Variants in SLC24A3 observed in about 807,000 individuals in gnomAD.
SLC24A3 encodes solute carrier family 24 member 3.
Under a neutral mutation model 75.8 loss-of-function variants are expected in SLC24A3, and 28 were observed. The ratio of observed to expected loss-of-function variants is 0.37; its 90% confidence interval spans 0.27 to 0.51. SLC24A3 has a LOEUF of 0.51. Ranked by LOEUF, SLC24A3 falls within the 20% of genes least tolerant of loss-of-function variation. The pLI is 0.94. For missense variants in SLC24A3, 663 were observed against 847.8 expected, an observed-to-expected ratio of 0.78 and a Z score of 2.71; for synonymous variants, 372 against 334.1, an observed-to-expected ratio of 1.11 and a Z score of -1.24.
At chr20:19,409,099 GT>G (rs1349943896) in intron 2 of SLC24A3, among the ~76,000 whole-genome samples, 1 of 152,200 alleles carries the variant, frequency 6.6e-6, no homozygotes, top group African/African-American at 2.4e-5. Context: ...ATGTTACTGA[GT>G]TGATTGGTGA....
intron 6 of SLC24A3, among the ~76,000 whole-genome samples, chr20:19,647,615 G>A (rs992544972): frequency 3.9e-5 from 6 of 152,180 alleles, no homozygotes; most frequent in Non-Finnish European, 7.3e-5. Flanking sequence ...ATGTGTGGGG[G>A]AACACTCTGA....
intron 6 of SLC24A3, among the ~76,000 whole-genome samples, chr20:19,651,375 A>G (rs1269588653): frequency 1.3e-5 from 1 of 79,742 alleles, no homozygotes; most frequent in Non-Finnish European, 2.2e-5. Flanking sequence ...TTTTTATTAT[A>G]TATATATATA....
chr20:19,519,362 G>T (rs565813806), intron 3 of SLC24A3, among the ~76,000 whole-genome samples: 175 of 152,288 alleles, frequency 1.1e-3, no homozygotes, highest in Non-Finnish European at 1.1e-3. Flanking sequence ...TTTTGTGTGT[G>T]CTTTGTGTGT....
At chr20:19,272,881 C>T (rs1025624246) in intron 1 of SLC24A3, among the ~76,000 whole-genome samples, 4 of 152,048 alleles carry the variant, frequency 2.6e-5, no homozygotes, top group South Asian at 2.1e-4. Context: ...TTACAACCTG[C>T]GGGTGGGGGT....
intron 3 of SLC24A3, among the ~76,000 whole-genome samples, chr20:19,578,494 C>T (rs988143344): frequency 6.6e-6 from 1 of 151,930 alleles, no homozygotes; most frequent in African/African-American, 2.4e-5. Context: ...GAGGGTGTCT[C>T]TGCCTCAGCT....
chr20:19,325,398 A>G (rs1325981152), intron 2 of SLC24A3, among the ~76,000 whole-genome samples: 3 of 151,882 alleles, frequency 2.0e-5, no homozygotes, highest in Non-Finnish European at 1.5e-5. Flanking sequence ...ATGTGCTGTA[A>G]TGGCATCACT....
intron 2 of SLC24A3, among the ~76,000 whole-genome samples, chr20:19,399,008 T>C (rs1600464538): frequency 6.6e-6 from 1 of 152,308 alleles, no homozygotes; most frequent in Non-Finnish European, 1.5e-5. Flanking sequence ...TCAAATTATC[T>C]ATTTCTTTGG....
intron 2 of SLC24A3, among the ~76,000 whole-genome samples, chr20:19,443,482 C>A (rs145057151): frequency 5.9e-5 from 9 of 152,264 alleles, no homozygotes; most frequent in Non-Finnish European, 1.3e-4. Flanking sequence ...TCACTCATTG[C>A]TGGTAGTAGG....
At chr20:19,452,897 A>G (rs1008755106) in intron 2 of SLC24A3, among the ~76,000 whole-genome samples, 8 of 152,170 alleles carry the variant, frequency 5.3e-5, no homozygotes, top group Admixed American at 3.3e-4. Context: ...AATATTAGCC[A>G]CCTGTACCAG....
chr20:19,316,630 C>T (rs1984595023), intron 2 of SLC24A3, among the ~76,000 whole-genome samples: 1 of 152,198 alleles, frequency 6.6e-6, no homozygotes, highest in South Asian at 2.1e-4. Context: ...TGCCGACTCC[C>T]CCTGGGCAGG....
rs544508502 is a variant in SLC24A3 at position 19,506,833 on chromosome 20, G to A, written c.272-8655G>A. ...AGCAGATGGTAAGTGCTGAAAGTAA[G>A]CAGTGGTGTTTTGACACAGTATTGA... is the stretch of plus-strand genomic sequence containing the variant. On this transcript the variant is annotated intron_variant, in intron 2 of 16. Transcript: ENST00000328041. Among the ~76,000 whole-genome samples the A allele has an allele frequency of 1.4e-4, 21 of 152,286 alleles. No homozygotes were observed. In the Middle Eastern group the frequency reaches 0.014, roughly 99 times the overall value.
chr20:19,243,386 A>G lies in SLC24A3; in HGVS notation c.142+30402A>G, dbSNP rs73277087. ...TCAGAAACATCTAGATAATTCCAGA[A>G]CATAACTTCCCCAAAATAACTGCGA... On this transcript the variant is annotated intron_variant, in intron 1 of 16. Coordinates refer to ENST00000328041, the MANE Select transcript of SLC24A3 (RefSeq NM_020689.4). Among the ~76,000 whole-genome samples the G allele has an allele frequency of 9.3e-3, 1,412 of 152,332 alleles. 20 individuals are homozygous for G. Among genetic ancestry groups the G allele is most frequent in the African/African-American group, 0.032 (1,327 of 41,572 alleles).
chr20:19,482,660 A>G (rs548530746), intron 2 of SLC24A3, among the ~76,000 whole-genome samples: 17 of 152,368 alleles, frequency 1.1e-4, no homozygotes, highest in African/African-American at 3.4e-4. Context: ...GAATGGAGCA[A>G]GCCTGAGATA....
intron 2 of SLC24A3, among the ~76,000 whole-genome samples, chr20:19,390,385 G>A (rs901017631): frequency 3.3e-5 from 5 of 152,140 alleles, no homozygotes; most frequent in Non-Finnish European, 5.9e-5. Context: ...GTGGTCCATG[G>A]GTGGGCTTGC....
chr20:19,415,023 C>A (rs1568611987), intron 2 of SLC24A3, among the ~76,000 whole-genome samples: 2 of 151,904 alleles, frequency 1.3e-5, no homozygotes, highest in African/African-American at 4.8e-5. Context: ...AGTTAGAAAC[C>A]ACTTCAAATT....
At chr20:19,605,528 A>T (rs1019880473) in intron 6 of SLC24A3, among the ~76,000 whole-genome samples, 6 of 152,220 alleles carry the variant, frequency 3.9e-5, no homozygotes, top group African/African-American at 1.4e-4. Flanking sequence ...ATTGGCTGCC[A>T]CTAAGAGATT....
chr20:19,406,696 A>G (rs904719002), intron 2 of SLC24A3, among the ~76,000 whole-genome samples: 1 of 152,150 alleles, frequency 6.6e-6, no homozygotes, highest in African/African-American at 2.4e-5. Flanking sequence ...AAATCATTAC[A>G]TTTGGGGACC....
chr20:19,619,071 A>G (rs1304941793), intron 6 of SLC24A3, among the ~76,000 whole-genome samples: 1 of 152,146 alleles, frequency 6.6e-6, no homozygotes, highest in African/African-American at 2.4e-5. Flanking sequence ...TTAAAATGTG[A>G]CAGCAAATTA....
At chr20:19,577,142 C>T (rs1012909128) in intron 3 of SLC24A3, among the ~76,000 whole-genome samples, 1 of 152,008 alleles carries the variant, frequency 6.6e-6, no homozygotes, top group Non-Finnish European at 1.5e-5. Context: ...GCAAGCTCCC[C>T]CTCCCAGGTT....
Sources: allele counts gnomAD v4.1 joint callset (sites outside exome capture counted in the v4.1 genomes callset), GRCh38; gene constraint gnomAD v4.1.1; transcripts MANE v1.5; gene names NCBI Gene and HGNC (gene_info 2026-07-23, HGNC 2026-07-21).